Variants in GALNT1 observed in about 807,000 individuals in gnomAD.
GALNT1 encodes the protein polypeptide N-acetylgalactosaminyltransferase 1.
A neutral mutation model predicts 65.7 loss-of-function variants in GALNT1; 17 were observed. The observed-to-expected ratio is 0.26, with a 90% CI of 0.18 to 0.39. The LOEUF (loss-of-function observed/expected upper bound fraction) is 0.39. Ranked by LOEUF, GALNT1 falls within the 10% of genes least tolerant of loss-of-function variation. The pLI, the probability that GALNT1 is intolerant of heterozygous loss-of-function variation, is 1.00. For synonymous variants in GALNT1, 210 were observed against 219.7 expected (o/e 0.96, Z 0.39); for missense variants, 460 against 672.8 (o/e 0.68, Z 3.50).
chr18:35,614,281 G>A (rs142513673), intron 1 of GALNT1, among the ~76,000 whole-genome samples: 4 of 152,106 alleles, frequency 2.6e-5, no homozygotes, highest in Admixed American at 2.6e-4. Context: ...AGGAAGGCGA[G>A]CTTGGTTCTG....
At chr18:35,693,227 C>T (rs749719511) in intron 9 of GALNT1, among the ~76,000 whole-genome samples, 7 of 152,106 alleles carry the variant, frequency 4.6e-5, no homozygotes, top group Admixed American at 2.6e-4. Context: ...GCAGGTCATA[C>T]GAGTTTTTAG....
At chr18:35,587,313 C>A (rs955015544) in intron 1 of GALNT1, among the ~76,000 whole-genome samples, 4 of 152,176 alleles carry the variant, frequency 2.6e-5, no homozygotes, top group African/African-American at 9.7e-5. Context: ...CAATTTTATT[C>A]TTTTCCTTTT....
In GALNT1 at chr18:35,692,126, CAT is replaced by C. The variant is rs1242047305; in HGVS notation, c.1160-54_1160-53del. 19 of 1,461,970 alleles carry C rather than the reference CAT, an allele frequency of 1.3e-5. No homozygotes were observed. The South Asian group carries it at 1.6e-4, about 13-fold the overall frequency. The allele number at this position is 1,461,970 out of a possible 1,614,324, so 90.6% of individuals were successfully genotyped here. The stretch of plus-strand genomic sequence containing the variant: ...TGGCTTATTAGATTCAATATATAAA[CAT>C]GTGTTACCTAAAACAACACTAATAA... On this transcript the variant is annotated intron_variant, in intron 8 of 11. Transcript: ENST00000269195.
At chr18:35,586,794 G>A (rs763376140) in intron 1 of GALNT1, among the ~76,000 whole-genome samples, 13 of 152,036 alleles carry the variant, frequency 8.6e-5, no homozygotes, top group African/African-American at 1.2e-4. Flanking sequence ...TTTTTCCCCC[G>A]TTATTTTAGC....
chr18:35,684,846 T>TAAGATGGAAGGATA (rs1396265171), intron 5 of GALNT1, among the ~76,000 whole-genome samples: 3 of 152,056 alleles, frequency 2.0e-5, no homozygotes, highest in Non-Finnish European at 2.9e-5. Flanking sequence ...GAGAGACAAA[T>TAAGATGGAAGGATA]AAGATGGAAG....
chr18:35,603,244 C>G (rs2046603954), intron 1 of GALNT1, among the ~76,000 whole-genome samples: 1 of 152,084 alleles, frequency 6.6e-6, no homozygotes, highest in Admixed American at 6.6e-5. Context: ...CTCACTTTTT[C>G]CAGTGTAGAA....
intron 1 of GALNT1, among the ~76,000 whole-genome samples, chr18:35,619,592 T>C (rs1481029666): frequency 1.3e-5 from 2 of 152,170 alleles, no homozygotes; most frequent in African/African-American, 2.4e-5. Flanking sequence ...GCAAATTGTT[T>C]TTGGTCTTTC....
chr18:35,702,820 AGTGTATATGT>A, intron 9 of GALNT1, 67 bp from the exon 10 acceptor site: 1 of 854,926 alleles, frequency 1.2e-6, no homozygotes, highest in Non-Finnish European at 1.8e-6. Context: ...GTTGATATTT[AGTGTATATGT>A]GTGTGTATCT....
intron 1 of GALNT1, among the ~76,000 whole-genome samples, chr18:35,645,501 A>G (rs1268431730): frequency 3.3e-5 from 5 of 152,066 alleles, no homozygotes; most frequent in African/African-American, 9.7e-5. Flanking sequence ...AAGTGCTGGG[A>G]TTATAGGCGT....
At chr18:35,678,381 G>A (rs891783313) in intron 4 of GALNT1, among the ~76,000 whole-genome samples, 1 of 151,972 alleles carries the variant, frequency 6.6e-6, no homozygotes, top group African/African-American at 2.4e-5. Flanking sequence ...TTTTTCACAA[G>A]GCTAAAATCT....
intron 4 of GALNT1, among the ~76,000 whole-genome samples, chr18:35,682,169 C>G (rs2047796490): frequency 6.6e-6 from 1 of 151,958 alleles, no homozygotes; most frequent in African/African-American, 2.4e-5. Context: ...CTTTTTAGCT[C>G]AAATATTAGA....
At chr18:35,693,612 C>T (rs981069080) in intron 9 of GALNT1, among the ~76,000 whole-genome samples, 4 of 152,164 alleles carry the variant, frequency 2.6e-5, no homozygotes, top group African/African-American at 9.7e-5. Flanking sequence ...GCTTGAGACA[C>T]TGACTGTAAA....
chr18:35,694,602 G>T (rs12969541), intron 9 of GALNT1, among the ~76,000 whole-genome samples: 14,271 of 152,236 alleles, frequency 0.094, 744 homozygotes, highest in Admixed American at 0.17. Flanking sequence ...GGAAATGAAC[G>T]CAGGGTCTGA....
At chr18:35,651,119 A>T (rs1175493206) in intron 1 of GALNT1, among the ~76,000 whole-genome samples, 1 of 152,180 alleles carries the variant, frequency 6.6e-6, no homozygotes, top group African/African-American at 2.4e-5. Flanking sequence ...GGGGTCCCTG[A>T]CTTCCCGCAA....
chr18:35,623,189 G>A (rs548298213), intron 1 of GALNT1, among the ~76,000 whole-genome samples: 26 of 152,118 alleles, frequency 1.7e-4, no homozygotes, highest in Non-Finnish European at 3.4e-4. Flanking sequence ...TCCATCTGGT[G>A]TCATTTCCCT....
At chr18:35,667,676 A>G (rs1295948003) in intron 3 of GALNT1, among the ~76,000 whole-genome samples, 4 of 151,542 alleles carry the variant, frequency 2.6e-5, no homozygotes, top group Admixed American at 1.3e-4. Flanking sequence ...TTTTTTCCTT[A>G]CAGTTTATTA....
At chr18:35,679,693 C>G (rs979741097) in intron 4 of GALNT1, among the ~76,000 whole-genome samples, 1 of 152,156 alleles carries the variant, frequency 6.6e-6, no homozygotes, top group Non-Finnish European at 1.5e-5. Context: ...TTTCCGGTAT[C>G]TGGGAGACAG....
At chr18:35,622,426 A>AT (rs780060207) in intron 1 of GALNT1, among the ~76,000 whole-genome samples, 1 of 151,754 alleles carries the variant, frequency 6.6e-6, no homozygotes, top group Admixed American at 6.6e-5. Flanking sequence ...TAACTTTTGT[A>AT]TTTTTTGTAG....
intron 2 of GALNT1, among the ~76,000 whole-genome samples, chr18:35,657,469 G>A (rs964373459): frequency 1.3e-5 from 2 of 152,200 alleles, no homozygotes; most frequent in African/African-American, 4.8e-5. Context: ...GGAGAAAATA[G>A]ATGGTAGTTT....
Sources: gnomAD v4.1 joint callset for allele counts (sites outside exome capture counted in the v4.1 genomes callset) on GRCh38, gnomAD v4.1.1 for gene constraint, MANE v1.5 for transcripts, NCBI Gene and HGNC (gene_info 2026-07-23, HGNC 2026-07-21) for gene names.